JMJD1C: variants seen among roughly 807,000 people sequenced by gnomAD.
JMJD1C encodes the protein jumonji domain containing 1C.
A neutral mutation model predicts 245.3 loss-of-function variants in JMJD1C; 31 were observed. The ratio of observed to expected loss-of-function variants is 0.13; its 90% CI spans 0.09 to 0.17. The LOEUF is 0.17. Ranked by LOEUF, JMJD1C falls within the 10% of genes least tolerant of loss-of-function variation. The pLI is 1.00. For missense variants in JMJD1C, 2,691 were observed against 3,000.2 expected (o/e 0.90, Z 2.41); for synonymous variants, 1,057 against 1,017.4 (o/e 1.04, Z -0.74).
rs547841416 is a variant in JMJD1C at position 63,260,402 on chromosome 10, T to C, written c.447+4249A>G. Among the ~76,000 whole-genome samples, 13 of 152,278 alleles carry C rather than the reference T, an allele frequency of 8.5e-5. No individual in the cohort carries two copies. The East Asian group carries it at 2.5e-3, about 29-fold the overall frequency. ...AAACTGTAGGTGTGTGCACGGCCAG[T>C]AGCCAAAATCCATGATAAAATGATT... On this transcript the variant is annotated intron_variant, in intron 3 of 25. Transcript: ENST00000399262.
At chr10:63,306,009 T>A (rs1337686077) in intron 2 of JMJD1C, among the ~76,000 whole-genome samples, 1 of 152,028 alleles carries the variant, frequency 6.6e-6, no homozygotes, top group Non-Finnish European at 1.5e-5. Context: ...AGGTGTGAGC[T>A]ACTGTGCCCG....
chr10:63,306,047 A>G (rs1436162988), intron 2 of JMJD1C, among the ~76,000 whole-genome samples: 1 of 152,078 alleles, frequency 6.6e-6, no homozygotes, highest in Non-Finnish European at 1.5e-5. Context: ...TAAAAAAAGA[A>G]AAGAAAAAGA....
In JMJD1C at chr10:63,426,823, A is replaced by T. The variant is rs1489258851; in HGVS notation, c.168+38672T>A. Among the ~76,000 whole-genome samples, 7 of 152,362 alleles carry T rather than the reference A, an allele frequency of 4.6e-5. No homozygotes were observed. In the East Asian group the frequency reaches 5.8e-4, roughly 13 times the overall value. ...TCTTACTCTGAGTATCTAGTGTAAG[A>T]TAATATTTTCTCCAAAAGAGAAAAA... On this transcript the variant is annotated intron_variant, in intron 1 of 25. Coordinates refer to ENST00000399262, the MANE Select transcript of JMJD1C (RefSeq NM_032776.3).
intron 1 of JMJD1C, among the ~76,000 whole-genome samples, chr10:63,426,357 T>G (rs1027158036): frequency 2.6e-5 from 4 of 151,026 alleles, no homozygotes; most frequent in African/African-American, 9.7e-5. Context: ...ACCCTATCTA[T>G]TAAAAAAAAA....
At chr10:63,490,707 C>T (rs1207966544) in intron 1 of JMJD1C, among the ~76,000 whole-genome samples, 1 of 152,172 alleles carries the variant, frequency 6.6e-6, no homozygotes, top group Non-Finnish European at 1.5e-5. Flanking sequence ...AGCCACCGCA[C>T]CCAGCCTAAT....
chr10:63,501,149 G>A (rs1489071444), intron 1 of JMJD1C, among the ~76,000 whole-genome samples: 1 of 152,114 alleles, frequency 6.6e-6, no homozygotes, highest in African/African-American at 2.4e-5. Context: ...AGACGCGGTA[G>A]CTGAATCAGG....
chr10:63,329,679 A>G (rs7092504), intron 2 of JMJD1C, among the ~76,000 whole-genome samples: 131,113 of 152,274 alleles, frequency 0.86, 57,180 homozygotes, highest in African/African-American at 0.97. Flanking sequence ...CTGACATTGC[A>G]AAAGCAATAC....
At position 63,167,309 on chromosome 10, in the gene JMJD1C, C is replaced by G. The variant is rs1453024210; in HGVS notation, c.*736G>C. 1 of 152,400 alleles carries G rather than the reference C, an allele frequency of 6.6e-6. No individual in the cohort carries two copies. The highest frequency in any genetic ancestry group is 2.4e-5 in the African/African-American group (1 of 41,378). 9.4% of individuals were successfully genotyped at this position (152,400 alleles called of 1,614,324 possible). A position where few individuals can be genotyped will look rare whatever the true frequency, so the allele number is the denominator to read the frequency against. ...GCCATATGTAACACTTGCACTTTAACAAAAGCAAGCCAATGTTTTAAAAAA... is the reference window on the plus strand; with the variant it reads ...GCCATATGTAACACTTGCACTTTAAGAAAAGCAAGCCAATGTTTTAAAAAA... On this transcript the variant is annotated 3_prime_UTR_variant, in exon 26 of 26. Transcript: ENST00000399262.
intron 2 of JMJD1C, among the ~76,000 whole-genome samples, chr10:63,315,665 C>A (rs1271394640): frequency 6.6e-6 from 1 of 151,752 alleles, no homozygotes; most frequent in Non-Finnish European, 1.5e-5. Flanking sequence ...CATGGTGAAA[C>A]CCTGTCTCTA....
intron 1 of JMJD1C, among the ~76,000 whole-genome samples, chr10:63,428,530 T>C (rs9415707): frequency 0.14 from 21,049 of 152,194 alleles, 2,094 homozygotes; most frequent in East Asian, 0.29. Flanking sequence ...GGAACTAAAT[T>C]TGCACAGAAG....
intron 1 of JMJD1C, among the ~76,000 whole-genome samples, chr10:63,497,011 T>C (rs1431833992): frequency 6.6e-6 from 1 of 152,190 alleles, no homozygotes; most frequent in Non-Finnish European, 1.5e-5. Context: ...CAAACCTTTG[T>C]TATTGTACAT....
intron 1 of JMJD1C, among the ~76,000 whole-genome samples, chr10:63,445,862 A>ATT (rs56316223): frequency 0.3 from 22,997 of 75,716 alleles, 5,675 homozygotes; most frequent in Non-Finnish European, 0.36. Context: ...TGGGATCTGA[A>ATT]TTTTTTTTTT....
chr10:63,248,205 G>A (rs576051184), intron 3 of JMJD1C, among the ~76,000 whole-genome samples: 2 of 152,236 alleles, frequency 1.3e-5, no homozygotes, highest in Non-Finnish European at 2.9e-5. Context: ...TTTCACACCT[G>A]TAATCCCAGC....
intron 2 of JMJD1C, among the ~76,000 whole-genome samples, chr10:63,274,564 C>CAA (rs964046227): frequency 1.5e-3 from 201 of 136,134 alleles, no homozygotes; most frequent in Admixed American, 8.2e-3. Context: ...GACTCAGTCT[C>CAA]AAAAAAAAAA....
At chr10:63,287,079 C>T (rs1420155837) in intron 2 of JMJD1C, among the ~76,000 whole-genome samples, 1 of 152,112 alleles carries the variant, frequency 6.6e-6, no homozygotes, top group Non-Finnish European at 1.5e-5. Flanking sequence ...GGCATGGTGG[C>T]GCACACCTGT....
chr10:63,428,482 G>C (rs1950568375), intron 1 of JMJD1C, among the ~76,000 whole-genome samples: 1 of 152,224 alleles, frequency 6.6e-6, no homozygotes, highest in Non-Finnish European at 1.5e-5. Flanking sequence ...GAATGTTTCT[G>C]TAGTTCTGAT....
chr10:63,434,512 T>C (rs553690371), intron 1 of JMJD1C, among the ~76,000 whole-genome samples: 1 of 151,968 alleles, frequency 6.6e-6, no homozygotes, highest in East Asian at 1.9e-4. Context: ...CAGGACACAA[T>C]ACTAGAGAGG....
chr10:63,186,356 T>C lies in JMJD1C; in HGVS notation c.6598A>G (p.Lys2200Glu), dbSNP rs1844120918. ...GCCTTCCATAGGCTAATGTTCATTTTCTTATGCACACCAGAAACCACTGCA... is the reference window on the plus strand; with the variant it reads ...GCCTTCCATAGGCTAATGTTCATTTCCTTATGCACACCAGAAACCACTGCA... ...QPAVVSGVHK[K>E]MNISLWKAES... The change falls in exon 19 of 26, where the codon AAA (lysine) becomes GAA (glutamate). Residue 2200 changes from lysine to glutamate, a missense_variant. Around this residue, in one of 9 missense-constraint regions of JMJD1C, gnomAD observed 232 missense variants for 416.1 expected, o/e 0.56. Transcript: ENST00000399262. The C allele has an allele frequency of 6.2e-7, 1 of 1,612,866 alleles. No individual in the cohort carries two copies. Among genetic ancestry groups the C allele is most frequent in the African/African-American group, 1.3e-5 (1 of 75,046 alleles).
intron 3 of JMJD1C, among the ~76,000 whole-genome samples, chr10:63,226,714 C>CAAAAAA (rs35375607): frequency 3.5e-5 from 3 of 84,926 alleles, no homozygotes; most frequent in African/African-American, 4.9e-5. Flanking sequence ...AACCCTGTTT[C>CAAAAAA]AAAAAAAAAA....
Sources: gnomAD v4.1 joint callset for allele counts (sites outside exome capture counted in the v4.1 genomes callset) on GRCh38, gnomAD v4.1.1 for gene constraint, gnomAD v4.1.1 regional missense constraint, MANE v1.5 for transcripts, NCBI Gene and HGNC (gene_info 2026-07-23, HGNC 2026-07-21) for gene names.